Variants in PTPRZ1 observed in about 807,000 individuals in gnomAD.
The protein encoded by PTPRZ1 is receptor-type tyrosine-protein phosphatase zeta.
Under a neutral mutation model 214.1 loss-of-function variants are expected in PTPRZ1, and 82 were observed. That is an observed-to-expected ratio of 0.38 (90% CI 0.32 to 0.46). The LOEUF is 0.46. Among genes scored for constraint, PTPRZ1 ranks in the 20% least tolerant of loss-of-function variants. The pLI is 1.00. For synonymous variants in PTPRZ1, 945 were observed against 987.9 expected (o/e 0.96, Z 0.81); for missense variants, 2,603 against 2,748.7 (o/e 0.95, Z 1.19).
Position 122,040,966 on chromosome 7 carries a change from G to T in PTPRZ1, c.5788G>T (p.Val1930Phe), listed in dbSNP as rs1197065097. ...CAAGCGCCATGCAGTGGGGCCTGTT[G>T]TCGTCCACTGCAGGTGAGTCTCAGA... ...YAKRHAVGPV[V>F]VHCSAGVGRT... The change falls in exon 21 of 30, where the codon GTC becomes TTC. Residue 1930 changes from valine (V) to phenylalanine (F), a missense_variant. By Grantham distance (50) the Val-to-Phe change is conservative (BLOSUM62 -1). Coordinates refer to ENST00000393386, the MANE Select transcript of PTPRZ1 (RefSeq NM_002851.3). 6.4e-7 allele frequency: 1 copy of T among 1,561,444 alleles called. No homozygotes were observed. The highest frequency in any genetic ancestry group is 1.8e-5 in the Admixed American group (1 of 56,352).
intron 23 of PTPRZ1, 151 bp downstream of exon 23, chr7:122,044,719 TGCCACATGGTAAATTTC>T: frequency 1.3e-6 from 1 of 772,138 alleles, no homozygotes; most frequent in Non-Finnish European, 2.0e-6. Flanking sequence ...TGGGCTACAG[TGCCACATGGTAAATTTC>T]AAGGAGAAAC....
chr7:122,027,153 G>A (rs76262716), intron 13 of PTPRZ1, among the ~76,000 whole-genome samples: 4 of 152,150 alleles, frequency 2.6e-5, no homozygotes, highest in African/African-American at 9.7e-5. Flanking sequence ...CAGAGGGAGC[G>A]GCATTTGGGC....
intron 3 of PTPRZ1, among the ~76,000 whole-genome samples, chr7:121,970,070 C>A (rs559512502): frequency 6.6e-6 from 1 of 150,654 alleles, no homozygotes; most frequent in Non-Finnish European, 1.5e-5. Context: ...TTTGTCCTTG[C>A]GATAGTTTGC....
At chr7:121,911,900 A>G (rs932589924) in intron 1 of PTPRZ1, among the ~76,000 whole-genome samples, 3 of 151,998 alleles carry the variant, frequency 2.0e-5, no homozygotes, top group Non-Finnish European at 4.4e-5. Context: ...CAGTCATTAC[A>G]TTTATTTCAG....
intron 18 of PTPRZ1, 66 bp from the exon 19 acceptor site, chr7:122,038,689 G>A (rs1011427381): frequency 8.8e-6 from 13 of 1,482,592 alleles, no homozygotes; most frequent in Non-Finnish European, 1.2e-5. Context: ...AAAAACTTAG[G>A]CATTGTACAG....
chr7:122,035,460 CAG>C (rs1185078426), intron 17 of PTPRZ1, among the ~76,000 whole-genome samples: 1 of 152,180 alleles, frequency 6.6e-6, no homozygotes, highest in Non-Finnish European at 1.5e-5. Flanking sequence ...AAGAAGGAGA[CAG>C]AGATTAACAT....
In PTPRZ1 at chr7:122,009,976, C is replaced by T. The variant is rs534515560; in HGVS notation, c.1288-358C>T. 1.1e-4 allele frequency among the ~76,000 whole-genome samples: 16 copies of T among 152,060 alleles called. No individual in the cohort carries two copies. The East Asian group carries it at 2.9e-3, about 28-fold the overall frequency. The stretch of plus-strand genomic sequence containing the variant: ...AGCTAATGGCTATTTACCTTGATGC[C>T]TGATGAACAAAGAAATATAAAAACA... On this transcript the variant is annotated intron_variant, in intron 11 of 29. Coordinates refer to ENST00000393386, the MANE Select transcript of PTPRZ1 (RefSeq NM_002851.3).
chr7:121,971,230 A>T (rs1797236609), intron 3 of PTPRZ1, among the ~76,000 whole-genome samples: 1 of 152,166 alleles, frequency 6.6e-6, no homozygotes, highest in Admixed American at 6.5e-5. Context: ...GTAAGCAAAA[A>T]TCTTTATAGA....
chr7:121,928,262 T>G (rs1310276035), intron 2 of PTPRZ1, 41 bp downstream of exon 2: 2 of 1,459,606 alleles, frequency 1.4e-6, no homozygotes, highest in African/African-American at 1.4e-5. Context: ...GCAGAAACTT[T>G]TATTGTTTTG....
intron 1 of PTPRZ1, among the ~76,000 whole-genome samples, chr7:121,914,023 CAG>C (rs1795349306): frequency 6.6e-6 from 1 of 152,140 alleles, no homozygotes; most frequent in Non-Finnish European, 1.5e-5. Flanking sequence ...TTAAAAGAAA[CAG>C]AAACCTGGCC....
At chr7:122,020,196 A>G (rs1798974299) in intron 13 of PTPRZ1, among the ~76,000 whole-genome samples, 1 of 152,162 alleles carries the variant, frequency 6.6e-6, no homozygotes, top group Admixed American at 6.6e-5. Flanking sequence ...TACCATTGTT[A>G]TTGATTGTTT....
intron 25 of PTPRZ1, 89 bp downstream of exon 25, chr7:122,052,028 A>T: frequency 3.1e-6 from 3 of 967,940 alleles, no homozygotes; most frequent in Non-Finnish European, 4.5e-6. Flanking sequence ...GACTACAGGC[A>T]TGGGCAAATG....
At chr7:121,884,136 C>T (rs893086158) in intron 1 of PTPRZ1, among the ~76,000 whole-genome samples, 1 of 151,958 alleles carries the variant, frequency 6.6e-6, no homozygotes, top group Non-Finnish European at 1.5e-5. Context: ...GAATGCCAAA[C>T]TTTTGTCTAT....
chr7:122,010,200 T>A (rs1798603799), intron 11 of PTPRZ1, 134 bp from the exon 12 acceptor site: 6 of 800,066 alleles, frequency 7.5e-6, no homozygotes, highest in Non-Finnish European at 1.2e-5. Context: ...GAGGTATGCA[T>A]TGTACAGAAT....
At chr7:121,884,008 A>G (rs1794320135) in intron 1 of PTPRZ1, among the ~76,000 whole-genome samples, 1 of 152,176 alleles carries the variant, frequency 6.6e-6, no homozygotes, top group Non-Finnish European at 1.5e-5. Context: ...TGAATTGGTA[A>G]ATTAATCAAT....
intron 10 of PTPRZ1, among the ~76,000 whole-genome samples, chr7:121,999,287 A>AT (rs1798251939): frequency 6.6e-6 from 1 of 152,122 alleles, no homozygotes; most frequent in Non-Finnish European, 1.5e-5. Flanking sequence ...AAATCAGGTT[A>AT]TTTTTTAATG....
chr7:121,976,479 G>C (rs571919994), intron 5 of PTPRZ1, among the ~76,000 whole-genome samples: 2 of 151,986 alleles, frequency 1.3e-5, no homozygotes, highest in East Asian at 3.8e-4. Flanking sequence ...TCTAGCTGGG[G>C]CAAAGTGTTC....
chr7:121,965,095 T>G (rs1797005558), intron 2 of PTPRZ1, among the ~76,000 whole-genome samples: 1 of 152,220 alleles, frequency 6.6e-6, no homozygotes, highest in South Asian at 2.1e-4. Flanking sequence ...TGAGTTGAAT[T>G]GGTTTTCTTT....
chr7:121,927,177 T>C (rs534203678), intron 1 of PTPRZ1, among the ~76,000 whole-genome samples: 1 of 152,232 alleles, frequency 6.6e-6, no homozygotes, highest in African/African-American at 2.4e-5. Flanking sequence ...AATGTATGAA[T>C]GAATAATGTT....
Sources: gnomAD v4.1 joint callset for allele counts (sites outside exome capture counted in the v4.1 genomes callset) on GRCh38, gnomAD v4.1.1 for gene constraint, MANE v1.5 for transcripts, NCBI Gene and HGNC (gene_info 2026-07-23, HGNC 2026-07-21) for gene names.